ANKRD6: variants seen among roughly 807,000 people sequenced by gnomAD.
The protein encoded by ANKRD6 is ankyrin repeat domain-containing protein 6.
A neutral mutation model predicts 82.3 loss-of-function variants in ANKRD6; 56 were observed. The observed-to-expected ratio is 0.68, with a 90% CI of 0.55 to 0.85. ANKRD6 has a LOEUF of 0.85. Ranked by LOEUF, ANKRD6 falls within the 40% of genes least tolerant of loss-of-function variation. The probability of loss-of-function intolerance (pLI) is 0.00; values close to 1 mark genes in which losing one functional copy is unlikely to be tolerated. For missense variants in ANKRD6, 852 were observed against 907.6 expected (o/e 0.94, Z 0.79); for synonymous variants, 347 against 352.1 (o/e 0.99, Z 0.16).
At chr6:89,592,327 C>G (rs1490012110) in intron 2 of ANKRD6, among the ~76,000 whole-genome samples, 1 of 152,068 alleles carries the variant, frequency 6.6e-6, no homozygotes, top group East Asian at 1.9e-4. Context: ...GAAGGGAGAC[C>G]CATGCTAGAT....
intron 9 of ANKRD6, 102 bp from the exon 10 acceptor site, chr6:89,621,820 G>A (rs796521386): frequency 1.8e-6 from 2 of 1,124,608 alleles, no homozygotes; most frequent in East Asian, 5.1e-5. Flanking sequence ...CACCCTCTAA[G>A]CTGTAAATTC....
chr6:89,610,150 T>C (rs1240137070), intron 5 of ANKRD6, among the ~76,000 whole-genome samples: 1 of 152,206 alleles, frequency 6.6e-6, no homozygotes, highest in Non-Finnish European at 1.5e-5. Flanking sequence ...GATATAGGTA[T>C]GAAGTCACGC....
intron 2 of ANKRD6, among the ~76,000 whole-genome samples, chr6:89,586,325 T>C (rs1474660804): frequency 2.0e-5 from 3 of 152,162 alleles, no homozygotes; most frequent in Non-Finnish European, 2.9e-5. Flanking sequence ...GCAAGAACAG[T>C]CCTTATATCC....
chr6:89,554,766 T>C (rs897727838), intron 1 of ANKRD6, among the ~76,000 whole-genome samples: 1 of 152,182 alleles, frequency 6.6e-6, no homozygotes, highest in Non-Finnish European at 1.5e-5. Context: ...GGAAAGACAT[T>C]GTACACAAGA....
chr6:89,605,391 G>A (rs967162313), intron 4 of ANKRD6, among the ~76,000 whole-genome samples: 2 of 152,138 alleles, frequency 1.3e-5, no homozygotes, highest in African/African-American at 4.8e-5. Flanking sequence ...AAAAATAAAG[G>A]CCACACATTG....
At chr6:89,497,093 C>T (rs1045588927) in intron 1 of ANKRD6, among the ~76,000 whole-genome samples, 5 of 152,154 alleles carry the variant, frequency 3.3e-5, no homozygotes, top group Admixed American at 1.3e-4. Context: ...AATTGTTTCC[C>T]TCCTTATCAG....
chr6:89,612,145 C>T (rs1223439230), intron 5 of ANKRD6, 127 bp from the exon 6 acceptor site: 37 of 765,092 alleles, frequency 4.8e-5, no homozygotes, highest in Non-Finnish European at 6.9e-5. Context: ...CTGAAACCAT[C>T]GGGCAAGAGG....
At chr6:89,459,128 G>C (rs1356699686) in intron 1 of ANKRD6, among the ~76,000 whole-genome samples, 3 of 152,098 alleles carry the variant, frequency 2.0e-5, no homozygotes, top group Non-Finnish European at 4.4e-5. Context: ...GCCCAGGCTG[G>C]AGTGCAATGA....
At chr6:89,506,508 T>C (rs942622075) in intron 1 of ANKRD6, among the ~76,000 whole-genome samples, 2 of 152,110 alleles carry the variant, frequency 1.3e-5, no homozygotes, top group Non-Finnish European at 2.9e-5. Context: ...AGAGACGGGG[T>C]TTCACCATGT....
intron 1 of ANKRD6, among the ~76,000 whole-genome samples, chr6:89,504,006 G>A (rs930516272): frequency 2.0e-5 from 3 of 152,020 alleles, no homozygotes; most frequent in Admixed American, 1.3e-4. Flanking sequence ...AGACCTGGGC[G>A]CTTATTCTGG....
intron 1 of ANKRD6, among the ~76,000 whole-genome samples, chr6:89,434,495 T>C (rs1362085971): frequency 6.6e-6 from 1 of 152,214 alleles, no homozygotes; most frequent in African/African-American, 2.4e-5. Flanking sequence ...GTTTTTGTTG[T>C]TGTTGTTTTG....
At chr6:89,624,772 ACCCT>A in intron 13 of ANKRD6, 81 bp downstream of exon 13, 2 of 1,481,270 alleles carry the variant, frequency 1.4e-6, no homozygotes, top group Non-Finnish European at 1.8e-6. Flanking sequence ...ACTTTAGCAC[ACCCT>A]TCCACCCTGG....
At position 89,630,906 on chromosome 6, in the gene ANKRD6, C is replaced by A; in HGVS notation, c.2086C>A (p.Gln696Lys). ...KIEEARSQAN[Q>K]KAQQDKATLK... ...TGAAGAAGCACGAAGCCAAGCCAAT[C>A]AGAAAGCCCAGCAAGATAAGGCTAC... The change falls in exon 16 of 16, where the codon CAG becomes AAG. Residue 696 changes from glutamine to lysine, a missense_variant. Physicochemically the swap from Gln to Lys is moderately conservative, Grantham distance 53. Coordinates refer to ENST00000339746, the MANE Select transcript of ANKRD6 (RefSeq NM_001242809.2). 1 of 1,612,574 alleles carries A rather than the reference C, an allele frequency of 6.2e-7. No individual in the cohort carries two copies. The highest frequency in any genetic ancestry group is 1.1e-5 in the South Asian group (1 of 90,862).
chr6:89,459,021 G>T (rs977918500), intron 1 of ANKRD6, among the ~76,000 whole-genome samples: 1 of 152,070 alleles, frequency 6.6e-6, no homozygotes, highest in Non-Finnish European at 1.5e-5. Context: ...TGGTATAGGC[G>T]CTTCGTGTCC....
At chr6:89,473,567 T>C (rs1187187674) in intron 1 of ANKRD6, among the ~76,000 whole-genome samples, 2 of 152,238 alleles carry the variant, frequency 1.3e-5, no homozygotes, top group Non-Finnish European at 2.9e-5. Flanking sequence ...ACTAATCAAG[T>C]ATAACAACAT....
At chr6:89,445,971 T>A (rs1772033019) in intron 1 of ANKRD6, among the ~76,000 whole-genome samples, 1 of 152,220 alleles carries the variant, frequency 6.6e-6, no homozygotes, top group South Asian at 2.1e-4. Flanking sequence ...AAGTGTTGTA[T>A]GTGTTCTGGC....
intron 1 of ANKRD6, among the ~76,000 whole-genome samples, chr6:89,499,125 G>A (rs1429449956): frequency 6.6e-6 from 1 of 152,166 alleles, no homozygotes; most frequent in Non-Finnish European, 1.5e-5. Flanking sequence ...AAAAGACTTT[G>A]CCTTCTTCCT....
intron 1 of ANKRD6, among the ~76,000 whole-genome samples, chr6:89,475,334 C>A (rs1775922151): frequency 1.3e-5 from 2 of 152,194 alleles, no homozygotes; most frequent in Non-Finnish European, 2.9e-5. Context: ...CAAATTGACT[C>A]ATCACATCCC....
chr6:89,595,829 G>A (rs1795769392), intron 2 of ANKRD6, 87 bp from the exon 3 acceptor site: 8 of 1,055,952 alleles, frequency 7.6e-6, no homozygotes, highest in Non-Finnish European at 1.1e-5. Flanking sequence ...GAAAGCCCCT[G>A]TGCAAACCTT....
Sources: allele counts gnomAD v4.1 joint callset (sites outside exome capture counted in the v4.1 genomes callset), GRCh38; gene constraint gnomAD v4.1.1; transcripts MANE v1.5; gene names NCBI Gene and HGNC (gene_info 2026-07-23, HGNC 2026-07-21).